The following VAV2 variants were observed in gnomAD, a reference collection of about 807,000 sequenced individuals.
The protein encoded by VAV2 is guanine nucleotide exchange factor VAV2.
Under a neutral mutation model 132.5 loss-of-function variants are expected in VAV2, and 67 were observed. The observed-to-expected ratio is 0.51, with a 90% CI of 0.42 to 0.62. VAV2 has a LOEUF of 0.62. VAV2 is among the 20% of genes least tolerant of loss of function. The pLI is 0.00. For missense variants in VAV2, 938 were observed against 1,153.6 expected, an observed-to-expected ratio of 0.81 and a Z score of 2.71; for synonymous variants, 492 against 443.5, an observed-to-expected ratio of 1.11 and a Z score of -1.37.
rs1200461341 is a variant in VAV2, at chr9:133,857,171, C to A, written c.380+4203G>T. Among the ~76,000 whole-genome samples, 1 of 152,176 alleles carries A rather than the reference C, an allele frequency of 6.6e-6. No individual in the cohort carries two copies. Among genetic ancestry groups the A allele is most frequent in the African/African-American group, 2.4e-5 (1 of 41,428 alleles). On this transcript the variant is annotated intron_variant, in intron 3 of 29. Transcript: ENST00000371850. The surrounding 1 kb of genome is among the most constrained non-coding windows in gnomAD (Gnocchi z 4.0). ...CCTTCACCATCTCCTCCCTCCCAGC[C>A]GTTCAGAGCTGTGATGACCCCAAAT...
chr9:133,986,001 A>C (rs1332272271), intron 1 of VAV2, among the ~76,000 whole-genome samples: 2 of 152,186 alleles, frequency 1.3e-5, no homozygotes, highest in African/African-American at 2.4e-5. Context: ...GAAAAGACTG[A>C]GAGAGATGAG....
At chr9:133,896,513 G>A (rs113126567) in intron 2 of VAV2, among the ~76,000 whole-genome samples, 32 of 152,248 alleles carry the variant, frequency 2.1e-4, no homozygotes, top group African/African-American at 6.7e-4. Context: ...AGAGCAGGTC[G>A]AAACGTGGGG....
Position 133,826,711 on chromosome 9 carries a change from CCT to C in VAV2, c.449+7559_449+7560del, listed in dbSNP as rs1040888450. The stretch of plus-strand genomic sequence containing the variant: ...TCTCATGTCCATGTCCTTCCTTTGG[CCT>C]CTCTTCTGCCCTGAGTGGGAGCTTT... On this transcript the variant is annotated intron_variant, in intron 4 of 29. Coordinates refer to ENST00000371850, the MANE Select transcript of VAV2 (RefSeq NM_001134398.2). This position sits in a 1 kb window ranked among gnomAD's most constrained non-coding sequence, Gnocchi z 4.2. Among the ~76,000 whole-genome samples, 1 of 152,180 alleles carries C rather than the reference CCT, an allele frequency of 6.6e-6. No individual in the cohort carries two copies. The highest frequency in any genetic ancestry group is 6.5e-5 in the Admixed American group (1 of 15,286).
chr9:133,787,278 G>C lies in VAV2; in HGVS notation c.1408-18C>G. The stretch of plus-strand genomic sequence containing the variant: ...CCGTGAGACTAGGAAGCATGGAGAG[G>C]AGAGGAAGGGGAAGACGGTCAGTGA... On this transcript the variant is annotated intron_variant, in intron 15 of 29. Coordinates refer to ENST00000371850, the MANE Select transcript of VAV2 (RefSeq NM_001134398.2). The C allele has an allele frequency of 6.3e-7, 1 of 1,581,746 alleles. No individual in the cohort carries two copies. The highest frequency in any genetic ancestry group is 8.6e-7 in the Non-Finnish European group (1 of 1,161,698).
At chr9:133,881,529 G>T (rs566249718) in intron 2 of VAV2, among the ~76,000 whole-genome samples, 8 of 152,246 alleles carry the variant, frequency 5.3e-5, no homozygotes, top group Non-Finnish European at 1.2e-4. Flanking sequence ...GTGGAGACGA[G>T]GAACTGACGA....
intron 1 of VAV2, among the ~76,000 whole-genome samples, chr9:133,952,943 C>A (rs1290767682): frequency 6.7e-6 from 1 of 148,800 alleles, no homozygotes; most frequent in African/African-American, 2.5e-5. Context: ...CCCCGGGACA[C>A]CTAGAACCTG....
chr9:133,853,113 G>A (rs1245699756), intron 3 of VAV2, among the ~76,000 whole-genome samples: 1 of 152,244 alleles, frequency 6.6e-6, no homozygotes, highest in Non-Finnish European at 1.5e-5. Flanking sequence ...AAAAGCCGTG[G>A]CAGGCCCAGG....
At chr9:133,975,800 C>G (rs1373800317) in intron 1 of VAV2, among the ~76,000 whole-genome samples, 1 of 152,170 alleles carries the variant, frequency 6.6e-6, no homozygotes, top group African/African-American at 2.4e-5. Context: ...CCTATGCAGT[C>G]ACAGAATAGA....
intron 7 of VAV2, among the ~76,000 whole-genome samples, chr9:133,808,104 G>C (rs1455102576): frequency 2.0e-5 from 3 of 152,274 alleles, no homozygotes; most frequent in Admixed American, 2.0e-4. Flanking sequence ...TTCTGCAGCA[G>C]CATTTAGCCA....
intron 2 of VAV2, among the ~76,000 whole-genome samples, chr9:133,876,248 C>T (rs188409619): frequency 2.6e-5 from 4 of 152,164 alleles, no homozygotes; most frequent in African/African-American, 9.6e-5. Flanking sequence ...TCTGGAGAAC[C>T]CTGACTAATA....
At chr9:133,938,973 G>T in intron 2 of VAV2, 130 bp downstream of exon 2, 1 of 832,374 alleles carries the variant, frequency 1.2e-6, no homozygotes, top group Non-Finnish European at 2.0e-6. Flanking sequence ...CCGGACATGA[G>T]GGTGCAGAAA....
intron 4 of VAV2, among the ~76,000 whole-genome samples, chr9:133,817,460 C>A (rs1835604350): frequency 6.6e-6 from 1 of 151,934 alleles, no homozygotes. Flanking sequence ...CGAGGCCAGC[C>A]TGGCCAATAT....
intron 2 of VAV2, among the ~76,000 whole-genome samples, chr9:133,915,803 G>A (rs1439597509): frequency 1.7e-5 from 2 of 115,532 alleles, no homozygotes; most frequent in South Asian, 3.3e-4. Flanking sequence ...ATGTACACAC[G>A]ATGCACACAT....
intron 2 of VAV2, among the ~76,000 whole-genome samples, chr9:133,894,088 C>T (rs12343037): frequency 0.033 from 5,042 of 152,316 alleles, 269 homozygotes; most frequent in African/African-American, 0.11. Flanking sequence ...CTCCACTGCC[C>T]GTCAGAATTC....
intron 2 of VAV2, among the ~76,000 whole-genome samples, chr9:133,932,017 T>G (rs1840706382): frequency 1.3e-5 from 2 of 152,164 alleles, no homozygotes; most frequent in African/African-American, 2.4e-5. Context: ...CAGCTCGCAA[T>G]GAGATCAGAG....
At position 133,913,783 on chromosome 9, in the gene VAV2, C is replaced by T. The variant is rs375313776; in HGVS notation, c.321+25320G>A. ...CGCCCAGGTCAGTGAGCCTCGGGGC[C>T]GGCTGTACGCTCGTGGGAGCTGACA... On this transcript the variant is annotated intron_variant, in intron 2 of 29. Coordinates refer to ENST00000371850, the MANE Select transcript of VAV2 (RefSeq NM_001134398.2). 7.2e-5 allele frequency among the ~76,000 whole-genome samples: 11 copies of T among 152,328 alleles called. No individual in the cohort carries two copies. In the East Asian group the frequency reaches 9.7e-4, roughly 13 times the overall value.
Position 133,768,580 on chromosome 9 carries a change from G to T in VAV2, c.2451C>A (p.Val817=). ...TATACCTGGCCACAGCTGTGCCGAT[G>T]ACGCGGGGCGTGAACACTGTTGAGG... ...APFWSVFTPR[V]IGTAVARYNF... The change falls in exon 29 of 30, where the codon GTC becomes GTA. Residue 817 remains valine, a synonymous_variant. Transcript: ENST00000371850. This position sits in a 1 kb window ranked among gnomAD's most constrained non-coding sequence, Gnocchi z 5.3. 6.2e-7 allele frequency: 1 copy of T among 1,613,888 alleles called. No individual in the cohort carries two copies. The highest frequency in any genetic ancestry group is 1.1e-5 in the South Asian group (1 of 91,080).
chr9:133,872,507 C>T (rs117751299), intron 2 of VAV2, among the ~76,000 whole-genome samples: 1,600 of 147,450 alleles, frequency 0.011, 15 homozygotes, highest in African/African-American at 0.012. Context: ...AGCCTCTCCT[C>T]GGCTTGAAGG....
chr9:133,860,453 G>A (rs1322657145), intron 3 of VAV2, among the ~76,000 whole-genome samples: 1 of 152,116 alleles, frequency 6.6e-6, no homozygotes, highest in Non-Finnish European at 1.5e-5. Context: ...CTGAGCAAAT[G>A]GCCCCCACCA....
Sources: allele counts gnomAD v4.1 joint callset (sites outside exome capture counted in the v4.1 genomes callset), GRCh38; gene constraint gnomAD v4.1.1; non-coding constraint Gnocchi (gnomAD v3.1); transcripts MANE v1.5; gene names NCBI Gene and HGNC (gene_info 2026-07-23, HGNC 2026-07-21).